KLHL4: variants seen among roughly 807,000 people sequenced by gnomAD.
KLHL4 encodes the protein kelch like family member 4, also known as kelch-like protein 4.
In KLHL4, 17 loss-of-function variants were observed where a neutral mutation model predicts 45.8. That is an observed-to-expected ratio of 0.37 (90% CI 0.25 to 0.56). KLHL4 has a LOEUF of 0.56. Among genes scored for constraint, KLHL4 ranks in the 20% least tolerant of loss-of-function variants. KLHL4 has a pLI of 0.79. For synonymous variants in KLHL4, 224 were observed against 189.9 expected, an observed-to-expected ratio of 1.18 and a Z score of -1.47; for missense variants, 544 against 544.9, an observed-to-expected ratio of 1.00 and a Z score of 0.02.
intron 1 of KLHL4, among the ~76,000 whole-genome samples, chrX:87,565,685 CAAAAAAAA>C (rs748577568): frequency 7.6e-5 from 2 of 26,258 alleles, no homozygotes; most frequent in African/African-American, 1.6e-4. Context: ...GTGATTGTGC[CAAAAAAAA>C]AAAAAAAAAA....
At chrX:87,550,063 A>G (rs1479448031) in intron 1 of KLHL4, among the ~76,000 whole-genome samples, 1 of 111,364 alleles carries the variant, frequency 9.0e-6, no homozygotes, top group Non-Finnish European at 1.9e-5. Flanking sequence ...AATCAAAAAT[A>G]AAACTAGATA....
intron 9 of KLHL4, among the ~76,000 whole-genome samples, chrX:87,650,655 A>C (rs187892366): frequency 8.9e-6 from 1 of 111,951 alleles, no homozygotes; most frequent in East Asian, 2.8e-4. Context: ...CATCAGGGTG[A>C]GGTAGTTTTC....
Position 87,622,363 on chromosome X carries a change from T to C in KLHL4, c.1077T>C (p.Asn359=). The change falls in exon 5 of 11, where the codon AAT becomes AAC. Residue 359 remains asparagine (N), a synonymous_variant. Transcript: ENST00000373119. ...AGTGGGTGGGGCATGATGTGCAGAA[T>C]AGGCAAGGAGAACTGGGGATGCTGC... is the stretch of plus-strand genomic sequence containing the variant. The part of the protein sequence containing the change: ...LMQWVGHDVQ[N]RQGELGMLLS... The C allele has an allele frequency of 2.5e-6, 3 of 1,209,900 alleles. No individual in the cohort carries two copies. The highest frequency in any genetic ancestry group is 2.2e-6 in the Non-Finnish European group (2 of 894,311).
In KLHL4 at chrX:87,668,273, A is replaced by G. The variant is rs1445091020; in HGVS notation, c.*1739A>G. The G allele has an allele frequency of 1.3e-6, 1 of 752,258 alleles. No homozygotes were observed. Among genetic ancestry groups the G allele is most frequent in the Non-Finnish European group, 1.6e-6 (1 of 638,591 alleles). 62.0% of individuals were successfully genotyped at this position (752,258 alleles called of 1,213,427 possible). On this transcript the variant is annotated 3_prime_UTR_variant, in exon 11 of 11. Coordinates refer to ENST00000373119, the MANE Select transcript of KLHL4 (RefSeq NM_019117.5). ...GTTAAATGTGGGTGTCAACCAGTGG[A>G]AAAGATCAAAGGACCTTTTGCAGCC...
intron 1 of KLHL4, among the ~76,000 whole-genome samples, chrX:87,613,005 C>A: frequency 9.0e-6 from 1 of 111,143 alleles, no homozygotes. Flanking sequence ...AATATTATGA[C>A]TGAAGATTTA....
At chrX:87,558,808 C>G (rs1273274049) in intron 1 of KLHL4, among the ~76,000 whole-genome samples, 1 of 112,145 alleles carries the variant, frequency 8.9e-6, no homozygotes, top group Non-Finnish European at 1.9e-5. Context: ...TGTTTAGAAA[C>G]TAACATTTTC....
intron 9 of KLHL4, among the ~76,000 whole-genome samples, chrX:87,642,806 A>T (rs779870139): frequency 8.9e-6 from 1 of 112,468 alleles, no homozygotes; most frequent in Non-Finnish European, 1.9e-5. Flanking sequence ...AGAAATGTAG[A>T]GCTCAAAGAC....
At chrX:87,557,827 C>T (rs1186869589) in intron 1 of KLHL4, among the ~76,000 whole-genome samples, 1 of 111,681 alleles carries the variant, frequency 9.0e-6, no homozygotes, top group Non-Finnish European at 1.9e-5. Flanking sequence ...GAAGGGATCA[C>T]AGTCCTCTTT....
At chrX:87,571,886 C>A (rs1021723922) in intron 1 of KLHL4, among the ~76,000 whole-genome samples, 2 of 110,631 alleles carry the variant, frequency 1.8e-5, no homozygotes, top group African/African-American at 6.5e-5. Context: ...TTTAGTGAAG[C>A]TATTCTTTCC....
intron 3 of KLHL4, among the ~76,000 whole-genome samples, chrX:87,616,648 C>A (rs989849032): frequency 1.8e-5 from 2 of 111,771 alleles, no homozygotes; most frequent in Non-Finnish European, 3.8e-5. Context: ...ATATACAATG[C>A]TTTCCTACTG....
intron 7 of KLHL4, among the ~76,000 whole-genome samples, chrX:87,632,717 G>A (rs1347504402): frequency 7.2e-5 from 8 of 111,405 alleles, no homozygotes; most frequent in Admixed American, 6.7e-4. Flanking sequence ...ACAGCAAGGA[G>A]CTTTCTTCTA....
chrX:87,561,498 G>A (rs921200959), intron 1 of KLHL4, among the ~76,000 whole-genome samples: 9 of 111,655 alleles, frequency 8.1e-5, no homozygotes, highest in African/African-American at 2.9e-4. Flanking sequence ...GATTAGACTG[G>A]AACTTGAGTT....
At chrX:87,661,647 A>C (rs1234462977) in intron 9 of KLHL4, among the ~76,000 whole-genome samples, 2 of 111,953 alleles carry the variant, frequency 1.8e-5, no homozygotes, top group Admixed American at 9.5e-5. Context: ...TACAAAATTA[A>C]ATATTTACAT....
intron 9 of KLHL4, among the ~76,000 whole-genome samples, chrX:87,639,659 G>A (rs1370667736): frequency 3.6e-5 from 4 of 110,683 alleles, no homozygotes; most frequent in Admixed American, 1.9e-4. Context: ...TATTTGAACT[G>A]AACAATAATA....
intron 9 of KLHL4, among the ~76,000 whole-genome samples, chrX:87,649,436 A>G (rs1205108163): frequency 1.8e-5 from 2 of 111,542 alleles, no homozygotes; most frequent in Non-Finnish European, 3.8e-5. Flanking sequence ...TATCATATGT[A>G]TGATTTGCAA....
chrX:87,641,830 A>G (rs1923470664), intron 9 of KLHL4, among the ~76,000 whole-genome samples: 1 of 110,488 alleles, frequency 9.1e-6, no homozygotes, highest in Non-Finnish European at 1.9e-5. Flanking sequence ...CCTCCTAGGT[A>G]CACAGCTCCG....
intron 1 of KLHL4, among the ~76,000 whole-genome samples, chrX:87,527,274 G>A (rs996616442): frequency 3.6e-5 from 4 of 111,370 alleles, no homozygotes; most frequent in Admixed American, 9.6e-5. Context: ...ACCCTGTATC[G>A]TAAGCTGTTG....
At chrX:87,607,232 C>T (rs1922225599) in intron 1 of KLHL4, among the ~76,000 whole-genome samples, 1 of 111,064 alleles carries the variant, frequency 9.0e-6, no homozygotes, top group Non-Finnish European at 1.9e-5. Flanking sequence ...GCTTCACCTC[C>T]AGCAATAACA....
chrX:87,633,182 G>A (rs1174267037), intron 7 of KLHL4, among the ~76,000 whole-genome samples: 1 of 110,959 alleles, frequency 9.0e-6, no homozygotes, highest in Non-Finnish European at 1.9e-5. Context: ...TAGTGAAGGT[G>A]GGGAAAAAAA....
Sources: allele counts gnomAD v4.1 joint callset (sites outside exome capture counted in the v4.1 genomes callset), GRCh38; gene constraint gnomAD v4.1.1; transcripts MANE v1.5; gene names NCBI Gene and HGNC (gene_info 2026-07-23, HGNC 2026-07-21).